The following LRRCC1 variants were observed in gnomAD, a reference collection of about 807,000 sequenced individuals.
The protein encoded by LRRCC1 is leucine rich repeat and coiled-coil centrosomal protein 1, also known as leucine-rich repeat and coiled-coil domain-containing protein 1.
In LRRCC1, 115 loss-of-function variants were observed where a neutral mutation model predicts 126.0. That is an observed-to-expected ratio of 0.91 (90% CI 0.78 to 1.07). The LOEUF is 1.07. LRRCC1 is among the 50% of genes least tolerant of loss of function. The pLI is 0.00. For missense variants in LRRCC1, 1,172 were observed against 1,175.7 expected (o/e 1.00, Z 0.05); for synonymous variants, 400 against 393.4 (o/e 1.02, Z -0.20).
In LRRCC1 at chr8:85,142,843, A is replaced by G. The variant is rs574606338; in HGVS notation, c.2976+1326A>G. On this transcript the variant is annotated intron_variant, in intron 18 of 18. Coordinates refer to ENST00000360375, the MANE Select transcript of LRRCC1 (RefSeq NM_033402.5). ...CGAGACCCTGTCTCAAAAAAAAAAA[A>G]AAAAGAAAAGAAAAGAAAAATTATA... 8.1e-5 allele frequency among the ~76,000 whole-genome samples: 7 copies of G among 86,250 alleles called. No individual in the cohort carries two copies. In the South Asian group the frequency reaches 9.6e-4, roughly 12 times the overall value. The allele number at this position is 86,250 out of a possible 152,430, so 56.6% of individuals were successfully genotyped here.
At chr8:85,142,969 C>G (rs375400472) in intron 18 of LRRCC1, among the ~76,000 whole-genome samples, 1 of 151,944 alleles carries the variant, frequency 6.6e-6, no homozygotes. Flanking sequence ...AAGAATATAA[C>G]TTGTCCAAAA....
At position 85,129,899 on chromosome 8, in the gene LRRCC1, A is replaced by G; in HGVS notation, c.1627-20A>G. ...GGGAGACTATTATCTAAATAATGTA[A>G]TTGTGGGTATTTTACTCAGATAAGA... On this transcript the variant is annotated intron_variant, in intron 10 of 18. Transcript: ENST00000360375. The G allele has an allele frequency of 6.7e-7, 1 of 1,497,500 alleles. No homozygotes were observed. The highest frequency in any genetic ancestry group is 1.8e-4 in the Middle Eastern group (1 of 5,618). 92.8% of individuals were successfully genotyped at this position (1,497,500 alleles called of 1,614,324 possible).
chr8:85,127,133 G>C (rs1469638230), intron 9 of LRRCC1, among the ~76,000 whole-genome samples: 1 of 152,202 alleles, frequency 6.6e-6, no homozygotes, highest in African/African-American at 2.4e-5. Flanking sequence ...GCCAGATTCT[G>C]TAAAGGGCAG....
At position 85,129,229 on chromosome 8, in the gene LRRCC1, G is replaced by A. The variant is rs1356008379; in HGVS notation, c.1476G>A (p.Met492Ile). 1 of 1,612,832 alleles carries A rather than the reference G, an allele frequency of 6.2e-7. No individual in the cohort carries two copies. The highest frequency in any genetic ancestry group is 1.1e-5 in the South Asian group (1 of 90,712). Residue 492 changes from methionine to isoleucine, a missense_variant, in exon 10 of 19, where the codon ATG (methionine) becomes ATA (isoleucine). Physicochemically the swap from Met to Ile is conservative, Grantham distance 10. Transcript: ENST00000360375. ...ATTCCAAAGGACAACTCGAAGTTATGGTTCACAAACTTCAAAATGAAATTA... is the reference window on the plus strand; with the variant it reads ...ATTCCAAAGGACAACTCGAAGTTATAGTTCACAAACTTCAAAATGAAATTA... ...ERNSKGQLEV[M>I]VHKLQNEIKK...
At chr8:85,121,901 C>T (rs529520034) in intron 6 of LRRCC1, among the ~76,000 whole-genome samples, 1 of 152,176 alleles carries the variant, frequency 6.6e-6, no homozygotes, top group Admixed American at 6.5e-5. Context: ...CTCTTTATTT[C>T]TTCTTGAGGA....
intron 6 of LRRCC1, among the ~76,000 whole-genome samples, chr8:85,121,422 TTTTTGTTTTG>T (rs539081432): frequency 2.7e-4 from 41 of 152,064 alleles, no homozygotes; most frequent in South Asian, 2.1e-3. Context: ...TTTGTTTTGT[TTTTTGTTTTG>T]TTTTGTTTTG....
intron 6 of LRRCC1, among the ~76,000 whole-genome samples, chr8:85,118,250 A>G (rs1001081928): frequency 6.6e-6 from 1 of 152,062 alleles, no homozygotes; most frequent in South Asian, 2.1e-4. Context: ...TGAATATATT[A>G]CACTTTATTT....
rs748073058 is a variant in LRRCC1 at position 85,115,081 on chromosome 8, T to A, written c.545-19T>A. ...TTTTTTAATATTTCAGTTTTCATTT[T>A]GAATGATTTGTTTCCAAGGGTACAG... On this transcript the variant is annotated intron_variant, in intron 4 of 18. Transcript: ENST00000360375. 10 of 1,523,184 alleles carry A rather than the reference T, an allele frequency of 6.6e-6. No homozygotes were observed. The African/African-American group carries it at 1.3e-4, about 19-fold the overall frequency. 94.4% of individuals were successfully genotyped at this position (1,523,184 alleles called of 1,614,324 possible). A position where few individuals can be genotyped will look rare whatever the true frequency, so the allele number is the denominator to read the frequency against.
intron 11 of LRRCC1, among the ~76,000 whole-genome samples, chr8:85,130,493 A>G (rs1810388753): frequency 6.6e-6 from 1 of 152,054 alleles, no homozygotes; most frequent in Non-Finnish European, 1.5e-5. Flanking sequence ...AGTCTGACAG[A>G]ATTAGTTAGT....
At chr8:85,139,160 T>C (rs1811078575) in intron 17 of LRRCC1, among the ~76,000 whole-genome samples, 1 of 152,180 alleles carries the variant, frequency 6.6e-6, no homozygotes, top group South Asian at 2.1e-4. Context: ...GAAAGTGGAA[T>C]TTAGAGGAGA....
At chr8:85,111,298 A>G (rs1053879292) in intron 3 of LRRCC1, among the ~76,000 whole-genome samples, 1 of 152,196 alleles carries the variant, frequency 6.6e-6, no homozygotes, top group African/African-American at 2.4e-5. Flanking sequence ...AATCACCTGA[A>G]CCCAGGAGGC....
At chr8:85,134,360 C>G (rs1038900872) in intron 12 of LRRCC1, among the ~76,000 whole-genome samples, 5 of 152,184 alleles carry the variant, frequency 3.3e-5, no homozygotes, top group African/African-American at 9.7e-5. Context: ...TCTGGCCACC[C>G]AGGCTGGAGT....
Position 85,118,955 on chromosome 8 carries a change from T to A in LRRCC1, c.930+3371T>A. On this transcript the variant is annotated intron_variant, in intron 6 of 18. Transcript: ENST00000360375. ...TGTGCATACCAAAATAACATTCTCCTGTGTTAGCCTCTAAAAGTTTTAATG... is the reference window on the plus strand; with the variant it reads ...TGTGCATACCAAAATAACATTCTCCAGTGTTAGCCTCTAAAAGTTTTAATG... Among the ~76,000 whole-genome samples the A allele has an allele frequency of 1.3e-5, 2 of 152,192 alleles. 1 individual carries two copies. The highest frequency in any genetic ancestry group is 2.9e-5 in the Non-Finnish European group (2 of 68,022).
chr8:85,145,117 G>GTGTGTATA (rs1554679351), intron 18 of LRRCC1, among the ~76,000 whole-genome samples: 1 of 143,332 alleles, frequency 7.0e-6, no homozygotes. Context: ...ATATATGTGT[G>GTGTGTATA]TATATATATA....
At chr8:85,117,980 T>G (rs1371763317) in intron 6 of LRRCC1, among the ~76,000 whole-genome samples, 1 of 152,086 alleles carries the variant, frequency 6.6e-6, no homozygotes, top group Non-Finnish European at 1.5e-5. Flanking sequence ...TTATCCAAAT[T>G]TCTGTGAAGG....
chr8:85,107,300 A>C lies in LRRCC1; in HGVS notation c.5A>C (p.Glu2Ala). The C allele has an allele frequency of 6.2e-7, 1 of 1,611,726 alleles. No individual in the cohort carries two copies. Among genetic ancestry groups the C allele is most frequent in the Non-Finnish European group, 8.5e-7 (1 of 1,179,044 alleles). Reference protein sequence around the residue: MEAAAAVVAAEA... With the variant: MAAAAAVVAAEA... ...CCGCTCCCCGTCGCCAGTGCTATGG[A>C]GGCGGCGGCGGCGGTGGTGGCGGCA... The change falls in exon 1 of 19, where the codon GAG becomes GCG. Residue 2 changes from glutamate (E) to alanine (A), a missense_variant. Transcript: ENST00000360375.
Position 85,131,756 on chromosome 8 carries a change from C to T in LRRCC1, c.1767-4C>T, listed in dbSNP as rs1355792526. 1 of 1,608,116 alleles carries T rather than the reference C, an allele frequency of 6.2e-7. No individual in the cohort carries two copies. The highest frequency in any genetic ancestry group is 2.2e-5 in the East Asian group (1 of 44,722). On this transcript the variant is annotated splice_polypyrimidine_tract_variant and splice_region_variant and intron_variant, in intron 11 of 18. Transcript: ENST00000360375. ...CTTTTATCTTTATATGTTTTTCACTCCAGGAAGGAACTTGAAACAAGGGAG... is the reference window on the plus strand; with the variant it reads ...CTTTTATCTTTATATGTTTTTCACTTCAGGAAGGAACTTGAAACAAGGGAG...
intron 14 of LRRCC1, among the ~76,000 whole-genome samples, 173 bp from the exon 15 acceptor site, chr8:85,137,291 G>GT (rs1810940428): frequency 6.6e-6 from 1 of 152,104 alleles, no homozygotes; most frequent in Non-Finnish European, 1.5e-5. Flanking sequence ...AACCACAAGT[G>GT]TTTAAGAGGC....
At chr8:85,136,259 A>G (rs1422427879) in intron 14 of LRRCC1, among the ~76,000 whole-genome samples, 5 of 151,950 alleles carry the variant, frequency 3.3e-5, no homozygotes, top group African/African-American at 1.2e-4. Context: ...CAGCATCTGA[A>G]TATATTGTTA....
Sources: gnomAD v4.1 joint callset for allele counts (sites outside exome capture counted in the v4.1 genomes callset) on GRCh38, gnomAD v4.1.1 for gene constraint, MANE v1.5 for transcripts, NCBI Gene and HGNC (gene_info 2026-07-23, HGNC 2026-07-21) for gene names.